The following NBAS variants were observed in gnomAD, a reference collection of about 807,000 sequenced individuals.
NBAS encodes the protein NBAS subunit of NRZ tethering complex.
In NBAS, 219 loss-of-function variants were observed where a neutral mutation model predicts 302.5. That is an observed-to-expected ratio of 0.72 (90% CI 0.65 to 0.81). The LOEUF is 0.81. NBAS is among the 30% of genes least tolerant of loss of function. The pLI, the probability that NBAS is intolerant of heterozygous loss-of-function variation, is 0.00. For synonymous variants in NBAS, 1,118 were observed against 1,021.6 expected (o/e 1.09, Z -1.80); for missense variants, 2,932 against 2,841.6 (o/e 1.03, Z -0.72).
intron 9 of NBAS, among the ~76,000 whole-genome samples, chr2:15,526,761 G>C (rs886954615): frequency 6.6e-6 from 1 of 152,034 alleles, no homozygotes; most frequent in African/African-American, 2.4e-5. Flanking sequence ...TCTGTGGTTT[G>C]ATAATATATC....
intron 44 of NBAS, among the ~76,000 whole-genome samples, chr2:15,274,396 T>C (rs1669472444): frequency 6.6e-6 from 1 of 152,182 alleles, no homozygotes; most frequent in Non-Finnish European, 1.5e-5. Context: ...GCAGACCTGG[T>C]GACTTGCACG....
the NBAS span, among the ~76,000 whole-genome samples, chr2:14,838,956 T>C: frequency 6.6e-6 from 1 of 151,830 alleles, no homozygotes; most frequent in African/African-American, 2.4e-5. Context: ...AGAAAGAATG[T>C]TGAAAGAAAC....
chr2:15,119,319 T>C, the NBAS span, among the ~76,000 whole-genome samples: 5 of 144,040 alleles, frequency 3.5e-5, no homozygotes, highest in Non-Finnish European at 6.1e-5. Flanking sequence ...TTTTTTTTTT[T>C]TTTTTTTGAG....
At chr2:15,522,696 G>A (rs374739352) in intron 9 of NBAS, among the ~76,000 whole-genome samples, 85 of 152,312 alleles carry the variant, frequency 5.6e-4, no homozygotes, top group African/African-American at 1.9e-3. Context: ...CAAGTTTAAC[G>A]TAGGAGCGAT....
At chr2:15,394,624 T>C (rs1359358126) in intron 27 of NBAS, among the ~76,000 whole-genome samples, 1 of 152,164 alleles carries the variant, frequency 6.6e-6, no homozygotes, top group Non-Finnish European at 1.5e-5. Context: ...CAAAAATCTT[T>C]TTGCTACAGC....
At chr2:14,950,559 T>C in the NBAS span, among the ~76,000 whole-genome samples, 8 of 152,294 alleles carry the variant, frequency 5.3e-5, no homozygotes, top group East Asian at 1.5e-3. Flanking sequence ...AAAGAATGTT[T>C]TAAAAAACAA....
chr2:14,807,458 T>A, the NBAS span, among the ~76,000 whole-genome samples: 17 of 34,710 alleles, frequency 4.9e-4, 1 homozygote, highest in African/African-American at 4.7e-3. Flanking sequence ...TGTGTGAGTG[T>A]GTGTGTGTGT....
the NBAS span, among the ~76,000 whole-genome samples, chr2:15,125,394 A>G: frequency 6.6e-6 from 1 of 152,136 alleles, no homozygotes; most frequent in Non-Finnish European, 1.5e-5. Context: ...GAGGTGTCAT[A>G]CACTTTTAAA....
At chr2:14,897,827 T>G in the NBAS span, among the ~76,000 whole-genome samples, 1 of 152,112 alleles carries the variant, frequency 6.6e-6, no homozygotes, top group Non-Finnish European at 1.5e-5. Flanking sequence ...GAGACTGTGG[T>G]CTTTGGAAGT....
At chr2:15,129,747 C>T in the NBAS span, among the ~76,000 whole-genome samples, 2 of 152,206 alleles carry the variant, frequency 1.3e-5, no homozygotes, top group South Asian at 4.1e-4. Flanking sequence ...CAAAACTGAC[C>T]TCTGCCTCCT....
At chr2:14,913,746 AG>A in the NBAS span, among the ~76,000 whole-genome samples, 1 of 152,176 alleles carries the variant, frequency 6.6e-6, no homozygotes, top group Non-Finnish European at 1.5e-5. Context: ...AAGAGTGATG[AG>A]GGCCAGAAAA....
the NBAS span, among the ~76,000 whole-genome samples, chr2:14,902,606 G>C: frequency 1.3e-5 from 2 of 152,312 alleles, no homozygotes; most frequent in Non-Finnish European, 2.9e-5. Flanking sequence ...ATTGCTTCCT[G>C]TCTTAAATGT....
chr2:14,829,614 T>G, the NBAS span, among the ~76,000 whole-genome samples: 1 of 152,166 alleles, frequency 6.6e-6, no homozygotes, highest in African/African-American at 2.4e-5. Context: ...CCCACCACAC[T>G]GTGCTTAAAG....
intron 6 of NBAS, among the ~76,000 whole-genome samples, chr2:15,539,755 A>G (rs567594796): frequency 3.4e-4 from 52 of 152,334 alleles, no homozygotes; most frequent in African/African-American, 1.2e-3. Flanking sequence ...CAAAAAATAA[A>G]AATTGCAACT....
the NBAS span, among the ~76,000 whole-genome samples, chr2:15,075,827 T>A: frequency 1.3e-5 from 2 of 152,098 alleles, no homozygotes; most frequent in Non-Finnish European, 2.9e-5. Context: ...GAAAACGGTA[T>A]CCTTACATAG....
At chr2:14,877,690 AC>A in the NBAS span, among the ~76,000 whole-genome samples, 13,967 of 152,136 alleles carry the variant, frequency 0.092, 745 homozygotes, top group Non-Finnish European at 0.1. Context: ...TCAGAGTCTC[AC>A]TTTTTACTAA....
chr2:15,239,253 C>A (rs1667746512), intron 44 of NBAS, among the ~76,000 whole-genome samples: 1 of 151,910 alleles, frequency 6.6e-6, no homozygotes, highest in Admixed American at 6.6e-5. Context: ...ATATAAAACT[C>A]TCTAGATAAT....
chr2:15,220,489 C>G (rs1666902164), intron 47 of NBAS, among the ~76,000 whole-genome samples: 1 of 152,122 alleles, frequency 6.6e-6, no homozygotes, highest in African/African-American at 2.4e-5. Flanking sequence ...ATTAGAGTAT[C>G]AAATCTTATA....
At chr2:15,379,937 C>T in intron 29 of NBAS, 106 bp from the exon 30 acceptor site, 1 of 1,017,932 alleles carries the variant, frequency 9.8e-7, no homozygotes, top group Non-Finnish European at 1.5e-6. Context: ...ACACATCCAC[C>T]CTAGAGGTGG....
Sources: allele counts gnomAD v4.1 joint callset (sites outside exome capture counted in the v4.1 genomes callset), GRCh38; gene constraint gnomAD v4.1.1; transcripts MANE v1.5; gene names NCBI Gene and HGNC (gene_info 2026-07-23, HGNC 2026-07-21).